The following POU6F2 variants were observed in gnomAD, a reference collection of about 807,000 sequenced individuals.
The protein encoded by POU6F2 is POU class 6 homeobox 2.
A neutral mutation model predicts 71.3 loss-of-function variants in POU6F2; 31 were observed. The ratio of observed to expected loss-of-function variants is 0.43; its 90% CI spans 0.33 to 0.59. The LOEUF (loss-of-function observed/expected upper bound fraction) is 0.59. Among genes scored for constraint, POU6F2 ranks in the 20% least tolerant of loss-of-function variants. The probability of loss-of-function intolerance (pLI) is 0.04; values close to 1 mark genes in which losing one functional copy is unlikely to be tolerated. For synonymous variants in POU6F2, 347 were observed against 355.7 expected (o/e 0.98, Z 0.27); for missense variants, 783 against 856.8 (o/e 0.91, Z 1.07).
intron 4 of POU6F2, among the ~76,000 whole-genome samples, chr7:39,295,253 A>G (rs1203513651): frequency 1.3e-5 from 2 of 152,090 alleles, no homozygotes; most frequent in African/African-American, 4.8e-5. Flanking sequence ...TTCTGTAAGC[A>G]ACACACGAAA....
chr7:39,353,053 A>C (rs965061657), intron 5 of POU6F2, among the ~76,000 whole-genome samples: 1 of 152,248 alleles, frequency 6.6e-6, no homozygotes, highest in African/African-American at 2.4e-5. Flanking sequence ...CTTCAAAAAC[A>C]CCTGCCCTTT....
chr7:39,254,039 T>C (rs761848646), intron 4 of POU6F2, among the ~76,000 whole-genome samples: 1 of 152,132 alleles, frequency 6.6e-6, no homozygotes, highest in Non-Finnish European at 1.5e-5. Context: ...GATCTCTGCT[T>C]CCTTCTGTCA....
intron 2 of POU6F2, among the ~76,000 whole-genome samples, chr7:39,136,010 C>T (rs1387975666): frequency 1.3e-5 from 2 of 152,086 alleles, no homozygotes; most frequent in African/African-American, 4.8e-5. Context: ...TATATAGTAG[C>T]AACTACAACT....
At chr7:39,092,883 G>T (rs541251271) in intron 2 of POU6F2, among the ~76,000 whole-genome samples, 3 of 152,050 alleles carry the variant, frequency 2.0e-5, no homozygotes, top group East Asian at 1.9e-4. Context: ...TTTGTCATTC[G>T]CAGAGAAATG....
intron 2 of POU6F2, among the ~76,000 whole-genome samples, chr7:39,144,903 G>A (rs1269060602): frequency 6.6e-6 from 1 of 152,098 alleles, no homozygotes; most frequent in East Asian, 1.9e-4. Flanking sequence ...ATCTATGGTA[G>A]CCTCCTTTCT....
intron 4 of POU6F2, 95 bp from the exon 5 acceptor site, chr7:39,339,547 G>T: frequency 7.0e-7 from 1 of 1,436,104 alleles, no homozygotes; most frequent in East Asian, 2.4e-5. Context: ...TTTTCTAAAG[G>T]AAACCCTTCT....
At chr7:39,109,854 A>C (rs532283068) in intron 2 of POU6F2, among the ~76,000 whole-genome samples, 18 of 152,320 alleles carry the variant, frequency 1.2e-4, no homozygotes, top group African/African-American at 3.8e-4. Flanking sequence ...AAAATTATGT[A>C]TCTCTCTAAT....
At chr7:39,168,591 G>A (rs755784846) in intron 2 of POU6F2, among the ~76,000 whole-genome samples, 25 of 152,166 alleles carry the variant, frequency 1.6e-4, no homozygotes, top group Non-Finnish European at 3.1e-4. Context: ...CTGGCCTGAC[G>A]TAATGGTTGT....
At chr7:39,017,930 T>A (rs1394879831) in intron 1 of POU6F2, among the ~76,000 whole-genome samples, 1 of 152,018 alleles carries the variant, frequency 6.6e-6, no homozygotes, top group Non-Finnish European at 1.5e-5. Context: ...CTCCAAATAA[T>A]GTTAATTTGT....
chr7:39,065,084 C>G (rs910151374), intron 1 of POU6F2, among the ~76,000 whole-genome samples: 3 of 151,824 alleles, frequency 2.0e-5, no homozygotes, highest in Non-Finnish European at 4.4e-5. Context: ...ATATTAGGCT[C>G]CCTTATAAAC....
chr7:39,182,587 A>G (rs766086601), intron 2 of POU6F2, among the ~76,000 whole-genome samples: 11 of 152,138 alleles, frequency 7.2e-5, no homozygotes, highest in Non-Finnish European at 1.3e-4. Flanking sequence ...GACCAGCTGC[A>G]CTGTCCTCTT....
rs925652678 is a variant in POU6F2 at position 39,447,431 on chromosome 7, T to C, written c.1321-4102T>C. 2.6e-5 allele frequency among the ~76,000 whole-genome samples: 4 copies of C among 151,976 alleles called. No individual in the cohort carries two copies. In the South Asian group the frequency reaches 8.3e-4, roughly 32 times the overall value. ...AGGCAGCGGGGCATAGTGGAAGGAG[T>C]GCTGGCTCTTGAGTCAGACTTACAT... is the stretch of plus-strand genomic sequence containing the variant. On this transcript the variant is annotated intron_variant, in intron 7 of 9. Transcript: ENST00000518318.
chr7:39,250,342 A>T lies in POU6F2; in HGVS notation c.598+42722A>T, dbSNP rs193272479. On this transcript the variant is annotated intron_variant, in intron 4 of 9. Transcript: ENST00000518318. ...TGTTTTTGTGTGTGTTCTGTTGGGG[A>T]TGTCATTTCTTTTGTGTCGCTGGCC... 1.1e-4 allele frequency among the ~76,000 whole-genome samples: 16 copies of T among 152,070 alleles called. No homozygotes were observed. In the East Asian group the frequency reaches 3.1e-3, roughly 29 times the overall value.
At chr7:39,324,151 A>G (rs1218700739) in intron 4 of POU6F2, among the ~76,000 whole-genome samples, 1 of 151,998 alleles carries the variant, frequency 6.6e-6, no homozygotes, top group African/African-American at 2.4e-5. Flanking sequence ...AGTGATGCAG[A>G]CAAGACAAAA....
chr7:39,061,085 CAT>C (rs749572059), intron 1 of POU6F2, among the ~76,000 whole-genome samples: 23 of 151,872 alleles, frequency 1.5e-4, no homozygotes, highest in African/African-American at 4.1e-4. Flanking sequence ...AAAATAAACT[CAT>C]GTGTTAACAT....
At chr7:39,016,047 TTA>T (rs1391427181) in intron 1 of POU6F2, among the ~76,000 whole-genome samples, 681 of 56,774 alleles carry the variant, frequency 0.012, 65 homozygotes, top group African/African-American at 0.04. Context: ...ATATTATATA[TTA>T]TATATATTAT....
At chr7:39,152,465 T>C (rs1459475592) in intron 2 of POU6F2, among the ~76,000 whole-genome samples, 3 of 152,216 alleles carry the variant, frequency 2.0e-5, no homozygotes, top group Non-Finnish European at 4.4e-5. Flanking sequence ...CCCTCGTCCC[T>C]GTATTAAGAG....
At chr7:39,031,992 TGAATCCGACTTGTGAATCAG>T (rs1364234913) in intron 1 of POU6F2, among the ~76,000 whole-genome samples, 3 of 152,184 alleles carry the variant, frequency 2.0e-5, no homozygotes, top group Non-Finnish European at 4.4e-5. Context: ...TGCGTCCCAC[TGAATCCGACTTGTGAATCAG>T]GAAGGATGCT....
At chr7:39,309,519 G>A (rs1036855869) in intron 4 of POU6F2, among the ~76,000 whole-genome samples, 1 of 152,162 alleles carries the variant, frequency 6.6e-6, no homozygotes, top group Non-Finnish European at 1.5e-5. Flanking sequence ...AGAAGACATG[G>A]TTAAGAAGGA....
Sources: gnomAD v4.1 joint callset for allele counts (sites outside exome capture counted in the v4.1 genomes callset) on GRCh38, gnomAD v4.1.1 for gene constraint, MANE v1.5 for transcripts, NCBI Gene and HGNC (gene_info 2026-07-23, HGNC 2026-07-21) for gene names.